Variants in MAGI1 observed in about 807,000 individuals in gnomAD.
MAGI1 encodes membrane-associated guanylate kinase, WW and PDZ domain-containing protein 1.
MAGI1 carries 58 observed loss-of-function variants against 139.9 expected under a neutral mutation model. That is an observed-to-expected ratio of 0.41 (90% CI 0.34 to 0.52). The LOEUF is 0.52. Ranked by LOEUF, MAGI1 falls within the 20% of genes least tolerant of loss-of-function variation. The probability of loss-of-function intolerance (pLI) is 0.12; values close to 1 mark genes in which losing one functional copy is unlikely to be tolerated. For missense variants in MAGI1, 1,874 were observed against 1,901.6 expected, an observed-to-expected ratio of 0.99 and a Z score of 0.27; for synonymous variants, 812 against 737.9, an observed-to-expected ratio of 1.10 and a Z score of -1.63.
chr3:65,600,633 G>C (rs1252297600), intron 2 of MAGI1, among the ~76,000 whole-genome samples: 1 of 53,474 alleles, frequency 1.9e-5, no homozygotes, highest in African/African-American at 8.2e-5. Context: ...CAGCTTCATG[G>C]GCGCCTGGCT....
In MAGI1 at chr3:65,470,399, C is replaced by G; in HGVS notation, c.843G>C (p.Thr281=). ...VNSSIIAAPI[T]DPSQKFPQYL... Reference sequence around the variant, plus strand: ...ATTGAGGGAACTTCTGAGAAGGGTCCGTGATGGGAGCAGCGATGATGCTAC... The same window carrying G: ...ATTGAGGGAACTTCTGAGAAGGGTCGGTGATGGGAGCAGCGATGATGCTAC... The change falls in exon 5 of 23, where the codon ACG becomes ACC. Residue 281 remains threonine, a synonymous_variant. Coordinates refer to ENST00000402939, the MANE Select transcript of MAGI1 (RefSeq NM_001033057.2). 6.2e-7 allele frequency: 1 copy of G among 1,613,582 alleles called. No homozygotes were observed. Among genetic ancestry groups the G allele is most frequent in the Non-Finnish European group, 8.5e-7 (1 of 1,179,852 alleles).
intron 1 of MAGI1, among the ~76,000 whole-genome samples, chr3:65,724,878 A>C (rs1468198080): frequency 1.3e-5 from 2 of 152,040 alleles, no homozygotes; most frequent in East Asian, 3.9e-4. Context: ...CATGGCCAAA[A>C]TTGCCCCCAT....
At chr3:65,772,395 C>A (rs1235732336) in intron 1 of MAGI1, among the ~76,000 whole-genome samples, 1 of 152,104 alleles carries the variant, frequency 6.6e-6, no homozygotes, top group East Asian at 1.9e-4. Context: ...TTGAGTACAG[C>A]TGTCCATCAT....
At chr3:65,777,648 A>AG (rs2038566935) in intron 1 of MAGI1, among the ~76,000 whole-genome samples, 1 of 151,246 alleles carries the variant, frequency 6.6e-6, no homozygotes, top group South Asian at 2.1e-4. Context: ...ATCACAAAAA[A>AG]AAAAAAAAAA....
chr3:65,435,548 A>T (rs1365726474), intron 10 of MAGI1, among the ~76,000 whole-genome samples: 2 of 152,096 alleles, frequency 1.3e-5, no homozygotes, highest in Non-Finnish European at 2.9e-5. Context: ...GTCATCAGAA[A>T]ATGTATATCA....
At chr3:65,899,117 A>AT (rs965337548) in intron 1 of MAGI1, among the ~76,000 whole-genome samples, 60 of 152,104 alleles carry the variant, frequency 3.9e-4, no homozygotes, top group African/African-American at 1.4e-3. Flanking sequence ...GGGTTTCGCC[A>AT]TGTTGCCCAG....
intron 1 of MAGI1, among the ~76,000 whole-genome samples, chr3:65,995,065 T>C (rs1490811834): frequency 1.3e-5 from 2 of 152,144 alleles, no homozygotes; most frequent in African/African-American, 4.8e-5. Flanking sequence ...CATCCACATA[T>C]AAGTTTCTCG....
chr3:65,684,751 G>C lies in MAGI1; in HGVS notation c.314-62663C>G, dbSNP rs540963751. ...GAGTCCTCCTCTGTCACCCTGGCAA[G>C]AGTGCAGTGCCATGATCTCAGCTCA... On this transcript the variant is annotated intron_variant, in intron 1 of 22. Transcript: ENST00000402939. Among the ~76,000 whole-genome samples the C allele has an allele frequency of 1.0e-3, 154 of 151,904 alleles. 1 individual carries two copies. The highest frequency in any genetic ancestry group is 2.2e-3 in the Admixed American group (33 of 15,216).
chr3:65,778,753 C>T (rs950027011), intron 1 of MAGI1, among the ~76,000 whole-genome samples: 1 of 152,166 alleles, frequency 6.6e-6, no homozygotes, highest in African/African-American at 2.4e-5. Context: ...ATGACTGAAG[C>T]CAGTCAAAAT....
intron 2 of MAGI1, chr3:65,597,918 G>A (rs1559705963): frequency 2.4e-6 from 1 of 410,100 alleles, no homozygotes. Context: ...GTAAAGAGAG[G>A]CGGGGGTGGG....
At chr3:65,575,989 T>C (rs528227598) in intron 2 of MAGI1, among the ~76,000 whole-genome samples, 2 of 152,316 alleles carry the variant, frequency 1.3e-5, no homozygotes, top group East Asian at 3.9e-4. Context: ...ATTGTGGTGC[T>C]GGTTTTATGG....
intron 2 of MAGI1, among the ~76,000 whole-genome samples, chr3:65,506,842 C>T (rs1223606962): frequency 6.6e-6 from 1 of 151,968 alleles, no homozygotes; most frequent in East Asian, 1.9e-4. Context: ...GTATCAAGGA[C>T]TAAAACAAAG....
At chr3:65,556,582 C>T (rs565372664) in intron 2 of MAGI1, among the ~76,000 whole-genome samples, 3 of 152,330 alleles carry the variant, frequency 2.0e-5, no homozygotes. Flanking sequence ...TCTTTAAATT[C>T]TGACAATTTT....
At chr3:65,553,517 C>A (rs905145265) in intron 2 of MAGI1, among the ~76,000 whole-genome samples, 1 of 152,166 alleles carries the variant, frequency 6.6e-6, no homozygotes, top group South Asian at 2.1e-4. Context: ...GGAGATGTAA[C>A]AGTGAACAGA....
chr3:65,392,860 A>G (rs1293231066), intron 13 of MAGI1, among the ~76,000 whole-genome samples: 1 of 152,234 alleles, frequency 6.6e-6, no homozygotes, highest in Admixed American at 6.5e-5. Context: ...CAATGAAGGC[A>G]AGGTAGACTG....
chr3:65,520,679 C>G (rs943327515), intron 2 of MAGI1, among the ~76,000 whole-genome samples: 1 of 152,096 alleles, frequency 6.6e-6, no homozygotes, highest in Non-Finnish European at 1.5e-5. Flanking sequence ...GCACAACTCC[C>G]GGATTTCCAC....
At chr3:65,359,882 C>A (rs1305911485) in intron 22 of MAGI1, 1 of 985,272 alleles carries the variant, frequency 1.0e-6, no homozygotes, top group Non-Finnish European at 1.2e-6. Context: ...TCACATCCAA[C>A]AGAAGCATAG....
intron 14 of MAGI1, among the ~76,000 whole-genome samples, chr3:65,388,403 C>T (rs1943617989): frequency 6.6e-6 from 1 of 152,086 alleles, no homozygotes; most frequent in African/African-American, 2.4e-5. Flanking sequence ...TCCTGGATTA[C>T]TCTGCTCATT....
chr3:65,963,433 T>C (rs2064564813), intron 1 of MAGI1, among the ~76,000 whole-genome samples: 1 of 151,600 alleles, frequency 6.6e-6, no homozygotes, highest in African/African-American at 2.4e-5. Flanking sequence ...CTGGCCAACA[T>C]GGTGAAACCC....
Sources: allele counts gnomAD v4.1 joint callset (sites outside exome capture counted in the v4.1 genomes callset), GRCh38; gene constraint gnomAD v4.1.1; transcripts MANE v1.5; gene names NCBI Gene and HGNC (gene_info 2026-07-23, HGNC 2026-07-21).